BTG4: variants seen among roughly 807,000 people sequenced by gnomAD.
BTG4 encodes the protein protein BTG4.
In BTG4, 10 loss-of-function variants were observed where a neutral mutation model predicts 19.3. The observed-to-expected ratio is 0.52, with a 90% CI of 0.32 to 0.88. The LOEUF is 0.88. BTG4 is among the 40% of genes least tolerant of loss of function. The probability of loss-of-function intolerance (pLI) is 0.04; values close to 1 mark genes in which losing one functional copy is unlikely to be tolerated. For missense variants in BTG4, 238 were observed against 281.9 expected, an observed-to-expected ratio of 0.84 and a Z score of 1.11; for synonymous variants, 91 against 95.7, an observed-to-expected ratio of 0.95 and a Z score of 0.29.
At chr11:111,491,435 C>T (rs1333207162), downstream of BTG4, among the ~76,000 whole-genome samples, 3 of 151,970 alleles carry the variant, frequency 2.0e-5, no homozygotes, top group Non-Finnish European at 4.4e-5. Flanking sequence ...TTTATAATTA[C>T]CTCAAGATAA....
chr11:111,401,845 C>T, the BTG4 span, among the ~76,000 whole-genome samples: 3 of 152,152 alleles, frequency 2.0e-5, no homozygotes, highest in African/African-American at 7.2e-5. Context: ...AGTAGGCTCT[C>T]AGAAAGTATG....
chr11:111,409,775 T>C, the BTG4 span, among the ~76,000 whole-genome samples: 3 of 152,194 alleles, frequency 2.0e-5, no homozygotes, highest in Admixed American at 6.5e-5. Context: ...GGATTTCCTA[T>C]CTTTTGGATG....
the BTG4 span, among the ~76,000 whole-genome samples, chr11:111,425,107 G>C: frequency 1.3e-5 from 2 of 152,136 alleles, no homozygotes; most frequent in Non-Finnish European, 2.9e-5. Context: ...GGCTGGACCT[G>C]GGAAAATGGG....
the BTG4 span, among the ~76,000 whole-genome samples, chr11:111,442,530 ACACACACACACACACC>A: frequency 1.3e-5 from 2 of 150,880 alleles, no homozygotes; most frequent in African/African-American, 4.9e-5. Flanking sequence ...ACACACACAC[ACACACACACACACACC>A]AGATGAGCCT....
At chr11:111,498,869 T>G in intron 1 of BTG4, 67 bp from the exon 2 acceptor site, 1 of 1,156,310 alleles carries the variant, frequency 8.6e-7, no homozygotes, top group South Asian at 1.6e-5. Context: ...AATATTTAAC[T>G]GCCATTTGGA....
chr11:111,408,538 G>A, the BTG4 span, among the ~76,000 whole-genome samples: 1 of 152,202 alleles, frequency 6.6e-6, no homozygotes, highest in African/African-American at 2.4e-5. Flanking sequence ...TTCAAGAGAG[G>A]GTTTCAGACA....
chr11:111,453,698 CACT>C, the BTG4 span: 1 of 358,468 alleles, frequency 2.8e-6, no homozygotes, highest in Non-Finnish European at 5.5e-6. Flanking sequence ...TTCATTCATC[CACT>C]GATTTGCTCA....
At chr11:111,432,703 T>C in the BTG4 span, among the ~76,000 whole-genome samples, 2 of 152,166 alleles carry the variant, frequency 1.3e-5, no homozygotes, top group African/African-American at 2.4e-5. Context: ...AATAAAGTTT[T>C]GTTCTGCCAG....
intron 1 of BTG4, among the ~76,000 whole-genome samples, chr11:111,501,377 A>C (rs943800863): frequency 2.0e-5 from 3 of 152,142 alleles, no homozygotes; most frequent in African/African-American, 7.3e-5. Context: ...CTCTCAAAAA[A>C]ATAAAAAAAA....
intron 5 of BTG4, among the ~76,000 whole-genome samples, chr11:111,489,715 C>G (rs1865296418): frequency 6.6e-6 from 1 of 151,688 alleles, no homozygotes. Flanking sequence ...ATGGATGGAA[C>G]TAGAGGACAT....
At chr11:111,456,901 A>G in the BTG4 span, among the ~76,000 whole-genome samples, 1 of 151,994 alleles carries the variant, frequency 6.6e-6, no homozygotes, top group Non-Finnish European at 1.5e-5. The surrounding 1 kb of genome is among the most constrained non-coding windows in gnomAD (Gnocchi z 4.2). Flanking sequence ...AGTAGTAAAT[A>G]CTTCCTTCCC....
At chr11:111,506,951 T>G (rs528579439) in intron 1 of BTG4, among the ~76,000 whole-genome samples, 1 of 152,112 alleles carries the variant, frequency 6.6e-6, no homozygotes, top group Non-Finnish European at 1.5e-5. Flanking sequence ...GAAAGGACAA[T>G]GTGAACTTTA....
At chr11:111,395,949 TCGCAGAA>T in the BTG4 span, among the ~76,000 whole-genome samples, 1 of 152,220 alleles carries the variant, frequency 6.6e-6, no homozygotes, top group Non-Finnish European at 1.5e-5. Flanking sequence ...TGCAGCTATC[TCGCAGAA>T]GCCGCCCCGG....
chr11:111,439,049 G>A, the BTG4 span, among the ~76,000 whole-genome samples: 18 of 152,296 alleles, frequency 1.2e-4, no homozygotes, highest in East Asian at 5.8e-4. Flanking sequence ...CCCCTGTCCC[G>A]CACACCCACC....
the BTG4 span, among the ~76,000 whole-genome samples, chr11:111,431,171 G>T: frequency 6.6e-6 from 1 of 152,220 alleles, no homozygotes; most frequent in African/African-American, 2.4e-5. Flanking sequence ...GTTCAGTATT[G>T]TATTGAGAGG....
rs137858975 is a variant in BTG4 at position 111,495,179 on chromosome 11, T to C, written c.646A>G (p.Met216Val). The change falls in exon 5 of 5, where the codon ATG becomes GTG. Residue 216 changes from methionine to valine, a missense_variant. Physicochemically the swap from Met to Val is conservative, Grantham distance 21 (BLOSUM62 1). Coordinates refer to ENST00000692032, the MANE Select transcript of BTG4 (RefSeq NM_001367975.1). The part of the protein sequence containing the change: ...QKHPKCYRPA[M>V]HRLDRYHWVN... Reference sequence around the variant, plus strand: ...CAGTGGTACCTGTCCAGCCGGTGCATAGCAGGCCTGTAACACTTAGGATGC... The same window carrying C: ...CAGTGGTACCTGTCCAGCCGGTGCACAGCAGGCCTGTAACACTTAGGATGC... The C allele has an allele frequency of 1.1e-4, 172 of 1,603,884 alleles. 1 individual carries two copies. In the African/African-American group the frequency reaches 2.2e-3, roughly 20 times the overall value.
the BTG4 span, chr11:111,455,866 C>T: frequency 4.4e-6 from 2 of 454,458 alleles, no homozygotes; most frequent in African/African-American, 4.0e-5. Flanking sequence ...TGGGGCGGAG[C>T]TACTGAGGCC....
intron 4 of BTG4, 60 bp downstream of exon 4, chr11:111,497,151 T>G (rs1361856419): frequency 7.0e-7 from 1 of 1,432,152 alleles, no homozygotes; most frequent in Non-Finnish European, 9.7e-7. Flanking sequence ...TCATAATGAG[T>G]GCATTCTTTT....
chr11:111,411,021 A>C, the BTG4 span, among the ~76,000 whole-genome samples: 1 of 152,048 alleles, frequency 6.6e-6, no homozygotes, highest in African/African-American at 2.4e-5. Context: ...AGCTATCATC[A>C]TTTCTACCCT....
Sources: allele counts gnomAD v4.1 joint callset (sites outside exome capture counted in the v4.1 genomes callset), GRCh38; gene constraint gnomAD v4.1.1; non-coding constraint Gnocchi (gnomAD v3.1); transcripts MANE v1.5; gene names NCBI Gene and HGNC (gene_info 2026-07-23, HGNC 2026-07-21).